The following CDH6 variants were observed in gnomAD, a reference collection of about 807,000 sequenced individuals.
The protein encoded by CDH6 is cadherin-6.
CDH6 carries 31 observed loss-of-function variants against 78.0 expected under a neutral mutation model. The ratio of observed to expected loss-of-function variants is 0.40; its 90% CI spans 0.30 to 0.54. CDH6 has a LOEUF of 0.54. Among genes scored for constraint, CDH6 ranks in the 20% least tolerant of loss-of-function variants. The pLI, the probability that CDH6 is intolerant of heterozygous loss-of-function variation, is 0.56. For missense variants in CDH6, 724 were observed against 975.9 expected, an observed-to-expected ratio of 0.74 and a Z score of 3.44; for synonymous variants, 376 against 368.8, an observed-to-expected ratio of 1.02 and a Z score of -0.23.
intron 1 of CDH6, among the ~76,000 whole-genome samples, chr5:31,254,059 G>A (rs1741984779): frequency 6.6e-6 from 1 of 152,122 alleles, no homozygotes; most frequent in South Asian, 2.1e-4. Context: ...GGACAGCGTG[G>A]TGAAATCTTG....
At chr5:31,270,171 C>T (rs976140564) in intron 2 of CDH6, among the ~76,000 whole-genome samples, 21 of 152,220 alleles carry the variant, frequency 1.4e-4, no homozygotes, top group African/African-American at 3.1e-4. Context: ...ACACCTGATG[C>T]GATTATCCAG....
chr5:31,298,729 T>A (rs1231387304), intron 4 of CDH6, among the ~76,000 whole-genome samples: 2 of 152,190 alleles, frequency 1.3e-5, no homozygotes, highest in African/African-American at 4.8e-5. Flanking sequence ...CTTTAACTAT[T>A]TTATAACAAC....
At chr5:31,303,542 C>T (rs1285971509) in intron 6 of CDH6, among the ~76,000 whole-genome samples, 1 of 152,076 alleles carries the variant, frequency 6.6e-6, no homozygotes, top group Non-Finnish European at 1.5e-5. Flanking sequence ...ATTATTTTAT[C>T]CCCCAAATTG....
intron 3 of CDH6, among the ~76,000 whole-genome samples, chr5:31,295,319 T>G (rs911364514): frequency 6.6e-6 from 1 of 152,148 alleles, no homozygotes; most frequent in Non-Finnish European, 1.5e-5. Flanking sequence ...TCTTTAAATT[T>G]GTTAGGAAAA....
intron 1 of CDH6, among the ~76,000 whole-genome samples, chr5:31,224,351 G>T (rs187520659): frequency 2.0e-5 from 3 of 152,158 alleles, no homozygotes; most frequent in Admixed American, 6.5e-5. Flanking sequence ...CCCACAACAT[G>T]TGGGAATTCA....
chr5:31,206,264 A>T (rs562272099), intron 1 of CDH6, among the ~76,000 whole-genome samples: 3 of 152,318 alleles, frequency 2.0e-5, no homozygotes, highest in Admixed American at 6.5e-5. Context: ...AAAAAGTCAA[A>T]GGTATGGGTA....
chr5:31,274,646 C>G (rs373324047), intron 2 of CDH6, among the ~76,000 whole-genome samples: 121 of 152,312 alleles, frequency 7.9e-4, no homozygotes, highest in African/African-American at 2.8e-3. Flanking sequence ...ATGGCAAAAC[C>G]CCATCTCTAC....
chr5:31,214,223 C>T (rs1226574476), intron 1 of CDH6, among the ~76,000 whole-genome samples: 4 of 151,512 alleles, frequency 2.6e-5, no homozygotes, highest in African/African-American at 4.9e-5. Context: ...AAAGAGGTCA[C>T]AAGGCATGTC....
chr5:31,249,132 C>A (rs1741837213), intron 1 of CDH6: 1 of 152,056 alleles, frequency 6.6e-6, no homozygotes, highest in Non-Finnish European at 1.5e-5. Context: ...CAAATACATG[C>A]AATTTTATAT....
chr5:31,297,490 TAATCA>T, intron 4 of CDH6, 82 bp downstream of exon 4: 4 of 1,047,778 alleles, frequency 3.8e-6, no homozygotes, highest in Non-Finnish European at 5.5e-6. Flanking sequence ...TTAATAAAAA[TAATCA>T]ATGTGATTGG....
intron 1 of CDH6, among the ~76,000 whole-genome samples, chr5:31,252,083 A>G (rs949617434): frequency 6.6e-6 from 1 of 152,228 alleles, no homozygotes; most frequent in Non-Finnish European, 1.5e-5. Context: ...ATGGTTGCCC[A>G]TGACCTGGAA....
intron 1 of CDH6, among the ~76,000 whole-genome samples, chr5:31,222,324 A>G (rs1306320052): frequency 6.6e-6 from 1 of 152,214 alleles, no homozygotes; most frequent in South Asian, 2.1e-4. Flanking sequence ...AAAGTGATTG[A>G]TACAGGTATA....
At chr5:31,298,804 A>G (rs1475332309) in intron 4 of CDH6, among the ~76,000 whole-genome samples, 2 of 152,304 alleles carry the variant, frequency 1.3e-5, no homozygotes, top group African/African-American at 2.4e-5. Context: ...CAGTTGAACT[A>G]AAGTTCACGG....
At chr5:31,276,296 C>T (rs891649410) in intron 2 of CDH6, among the ~76,000 whole-genome samples, 2 of 152,000 alleles carry the variant, frequency 1.3e-5, no homozygotes, top group East Asian at 1.9e-4. Context: ...TGTAAGGAGT[C>T]AAATTTGAAA....
chr5:31,204,201 A>C (rs1740450467), intron 1 of CDH6, among the ~76,000 whole-genome samples: 1 of 152,206 alleles, frequency 6.6e-6, no homozygotes, highest in Non-Finnish European at 1.5e-5. Context: ...CCACACTCCA[A>C]AATATCTTTC....
At chr5:31,237,368 GAT>G (rs1179648574) in intron 1 of CDH6, among the ~76,000 whole-genome samples, 1 of 152,092 alleles carries the variant, frequency 6.6e-6, no homozygotes, top group Non-Finnish European at 1.5e-5. Flanking sequence ...CAGCACCCTA[GAT>G]CATATGGCGA....
intron 7 of CDH6, among the ~76,000 whole-genome samples, chr5:31,307,412 G>C (rs1363322360): frequency 6.6e-6 from 1 of 152,162 alleles, no homozygotes; most frequent in Non-Finnish European, 1.5e-5. Context: ...TACTTTCAGG[G>C]AACAATTTTA....
At chr5:31,230,011 G>A (rs529344295) in intron 1 of CDH6, among the ~76,000 whole-genome samples, 13 of 152,196 alleles carry the variant, frequency 8.5e-5, no homozygotes, top group East Asian at 5.8e-4. Flanking sequence ...TTTAATTGGC[G>A]GATGCTATTT....
At chr5:31,300,722 TC>T (rs1282152126) in intron 5 of CDH6, among the ~76,000 whole-genome samples, 9 of 152,318 alleles carry the variant, frequency 5.9e-5, no homozygotes, top group African/African-American at 2.2e-4. Context: ...CTCACTCTGC[TC>T]TGCTTAGATA....
Sources: allele counts gnomAD v4.1 joint callset (sites outside exome capture counted in the v4.1 genomes callset), GRCh38; gene constraint gnomAD v4.1.1; transcripts MANE v1.5; gene names NCBI Gene and HGNC (gene_info 2026-07-23, HGNC 2026-07-21).